TDRD12: variants seen among roughly 807,000 people sequenced by gnomAD.
The protein encoded by TDRD12 is tudor domain containing 12.
In TDRD12, 158 loss-of-function variants were observed where a neutral mutation model predicts 133.5. The ratio of observed to expected loss-of-function variants is 1.18; its 90% CI spans 1.04 to 1.35. The LOEUF (loss-of-function observed/expected upper bound fraction) is 1.35. Ranked by LOEUF, TDRD12 falls within the 40% of genes most tolerant of loss-of-function variation. The probability of loss-of-function intolerance (pLI) is 0.00; values close to 1 mark genes in which losing one functional copy is unlikely to be tolerated. For missense variants in TDRD12, 1,443 were observed against 1,321.3 expected, an observed-to-expected ratio of 1.09 and a Z score of -1.43; for synonymous variants, 460 against 477.9, an observed-to-expected ratio of 0.96 and a Z score of 0.49.
chr19:32,821,295 T>C, downstream of TDRD12: 1 of 703,338 alleles, frequency 1.4e-6, no homozygotes, highest in Admixed American at 2.9e-5. Context: ...CAGCCCCCAG[T>C]GTTTTGTTTT....
Position 32,723,449 on chromosome 19 carries a change from C to G in TDRD12, c.24+3353C>G, listed in dbSNP as rs1373522793. Among the ~76,000 whole-genome samples, 3 of 151,954 alleles carry G rather than the reference C, an allele frequency of 2.0e-5. No individual in the cohort carries two copies. The East Asian group carries it at 5.8e-4, about 29-fold the overall frequency. On this transcript the variant is annotated intron_variant, in intron 1 of 27. Coordinates refer to ENST00000444215, the Ensembl canonical transcript of TDRD12. Reference sequence around the variant, plus strand: ...TATTTTTAGTAGAGACAGGGTTTCACTGTGTTAGCCAGGATGGTCTCGATC... The same window carrying G: ...TATTTTTAGTAGAGACAGGGTTTCAGTGTGTTAGCCAGGATGGTCTCGATC...
chr19:32,806,115 C>T (rs1971541141), intron 21 of TDRD12, among the ~76,000 whole-genome samples: 1 of 152,108 alleles, frequency 6.6e-6, no homozygotes, highest in African/African-American at 2.4e-5. Flanking sequence ...TTGTGTTGAT[C>T]AGCTTGGAGA....
In TDRD12 at chr19:32,742,172, T is replaced by TTC. The variant is rs201544743; in HGVS notation, c.321-608_321-607insCT. ...AGCCTTATTAGACTTTTTTTTTTTTTTGAGACAGAGTTTTGCTCTTGTTGC... is the reference window on the plus strand; with the variant it reads ...AGCCTTATTAGACTTTTTTTTTTTTTTCTGAGACAGAGTTTTGCTCTTGTTGC... On this transcript the variant is annotated intron_variant, in intron 3 of 27. Transcript: ENST00000444215. Among the ~76,000 whole-genome samples, 1,049 of 152,018 alleles carry TTC rather than the reference T, an allele frequency of 6.9e-3. 13 individuals carry two copies. The highest frequency in any genetic ancestry group is 0.024 in the African/African-American group (974 of 41,418).
intron 2 of TDRD12, among the ~76,000 whole-genome samples, chr19:32,733,564 G>A (rs372004110): frequency 6.6e-6 from 1 of 152,070 alleles, no homozygotes; most frequent in East Asian, 1.9e-4. Context: ...TTCAAGAATA[G>A]GTGTACTGTG....
chr19:32,747,876 G>A (rs1969700508), intron 4 of TDRD12, among the ~76,000 whole-genome samples: 1 of 152,070 alleles, frequency 6.6e-6, no homozygotes, highest in Admixed American at 6.5e-5. Flanking sequence ...ATCGCTGAGT[G>A]TGGTGGGGCA....
At chr19:32,757,542 A>G (rs777122668) in intron 8 of TDRD12, among the ~76,000 whole-genome samples, 9 of 152,196 alleles carry the variant, frequency 5.9e-5, no homozygotes, top group Non-Finnish European at 1.0e-4. Context: ...ATGAATTGGA[A>G]TTGCTGGGTG....
At chr19:32,802,511 G>C (rs2145702519) in intron 19 of TDRD12, 145 bp from the exon 20 acceptor site, 1 of 962,902 alleles carries the variant, frequency 1.0e-6, no homozygotes, top group East Asian at 2.7e-5. Context: ...GCATTTTGGG[G>C]AAAAAAATGG....
intron 6 of TDRD12, among the ~76,000 whole-genome samples, chr19:32,755,140 T>C (rs980479610): frequency 3.9e-5 from 6 of 152,256 alleles, no homozygotes; most frequent in African/African-American, 1.4e-4. Context: ...TGTGTGGATA[T>C]ACTACAGTGT....
intron 10 of TDRD12, among the ~76,000 whole-genome samples, 177 bp downstream of exon 10, chr19:32,773,709 A>C: frequency 6.6e-6 from 1 of 152,190 alleles, no homozygotes. Context: ...TAAAATAATA[A>C]TAATAATAAT....
chr19:32,797,846 G>A, exon 15 of TDRD12: 2 of 701,928 alleles, frequency 2.8e-6, no homozygotes, highest in Non-Finnish European at 5.2e-6. Flanking sequence ...ATTAACAATT[G>A]GGCTCCATAA....
intron 1 of TDRD12, among the ~76,000 whole-genome samples, chr19:32,724,356 T>G (rs962900417): frequency 6.7e-6 from 1 of 150,064 alleles, no homozygotes; most frequent in African/African-American, 2.4e-5. Flanking sequence ...CATGTATTAG[T>G]TTTTTTATCC....
intron 23 of TDRD12, among the ~76,000 whole-genome samples, chr19:32,810,852 A>C (rs574227706): frequency 6.6e-6 from 1 of 152,296 alleles, no homozygotes; most frequent in African/African-American, 2.4e-5. Flanking sequence ...TGATCATGCC[A>C]CTGCACTCCA....
intron 1 of TDRD12, among the ~76,000 whole-genome samples, chr19:32,724,142 T>A (rs555858083): frequency 6.6e-6 from 1 of 152,344 alleles, no homozygotes; most frequent in South Asian, 2.1e-4. Flanking sequence ...ATTATGGGAA[T>A]GAGCCACCAC....
chr19:32,789,431 C>T (rs1599588092), intron 11 of TDRD12, among the ~76,000 whole-genome samples: 1 of 152,192 alleles, frequency 6.6e-6, no homozygotes, highest in African/African-American at 2.4e-5. Context: ...CTCCATTTTC[C>T]TCCCTCCACA....
At chr19:32,720,033 C>A (rs1406889477) in exon 1 of TDRD12, 3 of 1,546,594 alleles carry the variant, frequency 1.9e-6, no homozygotes, top group Non-Finnish European at 1.7e-6. Flanking sequence ...TAGGGGACTT[C>A]CAGGGCGAGG....
chr19:32,818,011 C>G, intron 26 of TDRD12, 78 bp from the exon 27 acceptor site: 1 of 700,020 alleles, frequency 1.4e-6, no homozygotes. Context: ...ACTCCAAGCT[C>G]TGTCCTCTAC....
intron 21 of TDRD12, among the ~76,000 whole-genome samples, chr19:32,803,676 C>T (rs983661147): frequency 6.6e-6 from 1 of 152,138 alleles, no homozygotes; most frequent in Non-Finnish European, 1.5e-5. Context: ...TCTTCCAAAG[C>T]GGCTGGCCAT....
chr19:32,824,914 T>A (rs1599637178), downstream of TDRD12, among the ~76,000 whole-genome samples: 1 of 152,220 alleles, frequency 6.6e-6, no homozygotes, highest in Non-Finnish European at 1.5e-5. Context: ...AGTCCCTTTT[T>A]GGTTGACGGC....
At chr19:32,821,240 A>G in exon 28 of TDRD12, 2 of 1,029,234 alleles carry the variant, frequency 1.9e-6, no homozygotes, top group Non-Finnish European at 2.8e-6. Context: ...TGTAGAGAAG[A>G]TGACATAAAC....
Sources: allele counts gnomAD v4.1 joint callset (sites outside exome capture counted in the v4.1 genomes callset), GRCh38; gene constraint gnomAD v4.1.1; transcripts MANE v1.5; gene names NCBI Gene and HGNC (gene_info 2026-07-23, HGNC 2026-07-21).